CENPF: variants seen among roughly 807,000 people sequenced by gnomAD.
CENPF encodes centromere protein F, also known as AH antigen.
A neutral mutation model predicts 307.3 loss-of-function variants in CENPF; 214 were observed. The ratio of observed to expected loss-of-function variants is 0.70; its 90% CI spans 0.62 to 0.78. CENPF has a LOEUF of 0.78. CENPF is among the 30% of genes least tolerant of loss of function. CENPF has a pLI of 0.00. For synonymous variants in CENPF, 1,259 were observed against 1,270.6 expected (o/e 0.99, Z 0.19); for missense variants, 3,401 against 3,483.9 (o/e 0.98, Z 0.60).
At chr1:214,661,336 A>G (rs1658781606) in intron 19 of CENPF, among the ~76,000 whole-genome samples, 1 of 152,102 alleles carries the variant, frequency 6.6e-6, no homozygotes, top group African/African-American at 2.4e-5. Flanking sequence ...TTAATTCAGC[A>G]TTTTCTGAGT....
intron 10 of CENPF, among the ~76,000 whole-genome samples, chr1:214,634,001 C>G (rs1015115342): frequency 1.3e-5 from 2 of 152,188 alleles, no homozygotes; most frequent in African/African-American, 4.8e-5. Context: ...AGAGTCCAAA[C>G]ACTTTAAAAA....
At chr1:214,629,697 A>G (rs757278268) in intron 8 of CENPF, among the ~76,000 whole-genome samples, 12 of 152,050 alleles carry the variant, frequency 7.9e-5, no homozygotes, top group Non-Finnish European at 1.5e-4. Context: ...GATTACAGGC[A>G]TGCACCACCA....
At position 214,658,940 on chromosome 1, in the gene CENPF, A is replaced by G; in HGVS notation, c.9053A>G (p.Gln3018Arg). 6.2e-7 allele frequency: 1 copy of G among 1,614,146 alleles called. No homozygotes were observed. ...ATRTSPRLAAQKLALSPLSLG... is the reference protein window; with the variant it reads ...ATRTSPRLAARKLALSPLSLG... ...CGGACCAGCCCCCGCCTGGCTGCAC[A>G]GAAGTTAGCGCTATCCCCACTGAGT... The change falls in exon 19 of 20, where the codon CAG becomes CGG. Residue 3018 changes from glutamine (Q) to arginine (R), a missense_variant. Coordinates refer to ENST00000366955, the MANE Select transcript of CENPF (RefSeq NM_016343.4).
Position 214,641,027 on chromosome 1 carries a change from A to G in CENPF, c.2689A>G (p.Asn897Asp). 6.4e-7 allele frequency: 1 copy of G among 1,567,384 alleles called. No homozygotes were observed. The highest frequency in any genetic ancestry group is 1.2e-5 in the South Asian group (1 of 81,838). ...ACAGGAAGACACTTCTGCTCACCAG[A>G]ATGTTGTTGCTGAAACCTTAAGTGC... ...KLQEDTSAHQ[N>D]VVAETLSALE... The change falls in exon 12 of 20, where the codon AAT becomes GAT. Residue 897 changes from asparagine to aspartate, a missense_variant. Physicochemically the swap from Asn to Asp is conservative, Grantham distance 23. Transcript: ENST00000366955.
rs1165839180 is a variant in CENPF at position 214,659,080 on chromosome 1, AGTACCTGGGT to A, written c.9141+54_9141+63del. ...TGTTTGAGATCCAGAAAATTGCAGTAGTACCTGGGTGAGGATTGGACACTGCACCCCCGAT... is the reference window on the plus strand; with the variant it reads ...TGTTTGAGATCCAGAAAATTGCAGTAGAGGATTGGACACTGCACCCCCGAT... On this transcript the variant is annotated intron_variant, in intron 19 of 19. Coordinates refer to ENST00000366955, the MANE Select transcript of CENPF (RefSeq NM_016343.4). This position sits in a 1 kb window ranked among gnomAD's most constrained non-coding sequence, Gnocchi z 4.4. 2 of 1,594,128 alleles carry A rather than the reference AGTACCTGGGT, an allele frequency of 1.3e-6. No homozygotes were observed. Among genetic ancestry groups the A allele is most frequent in the Non-Finnish European group, 1.7e-6 (2 of 1,165,522 alleles).
At position 214,645,245 on chromosome 1, in the gene CENPF, G is replaced by A. The variant is rs1435636111; in HGVS notation, c.5675G>A (p.Ser1892Asn). ...GATAATGTGGCCAAGGTGAATGACA[G>A]CTGGAAGGAGAGATTTCTTGATGTG... ...IGDNVAKVND[S>N]WKERFLDVEN... Residue 1892 changes from serine (S) to asparagine (N), a missense_variant, in exon 13 of 20, where the codon AGC becomes AAC. By Grantham distance (46) the Ser-to-Asn change is conservative. Transcript: ENST00000366955. The A allele has an allele frequency of 6.2e-7, 1 of 1,614,102 alleles. No individual in the cohort carries two copies.
Position 214,613,705 on chromosome 1 carries a change from T to A in CENPF, c.-41-9T>A, listed in dbSNP as rs751727956. 19 of 1,524,346 alleles carry A rather than the reference T, an allele frequency of 1.2e-5. No homozygotes were observed. Among genetic ancestry groups the A allele is most frequent in the Non-Finnish European group, 1.7e-5 (19 of 1,134,006 alleles). 94.4% of individuals were successfully genotyped at this position (1,524,346 alleles called of 1,614,324 possible). ...GTGGTAAGACCAACAGTCTGGTTAT[T>A]CTTTTCAGTTTATTTACAAATGTTG... is the stretch of plus-strand genomic sequence containing the variant. On this transcript the variant is annotated splice_polypyrimidine_tract_variant and intron_variant, in intron 1 of 19. Coordinates refer to ENST00000366955, the MANE Select transcript of CENPF (RefSeq NM_016343.4).
At chr1:214,623,247 CT>C (rs1309788066) in intron 7 of CENPF, among the ~76,000 whole-genome samples, 2 of 152,080 alleles carry the variant, frequency 1.3e-5, no homozygotes, top group Non-Finnish European at 2.9e-5. Flanking sequence ...ATATACAGAC[CT>C]TTTTTTCCTT....
intron 1 of CENPF, 141 bp from the exon 2 acceptor site, chr1:214,613,573 A>G (rs1657255355): frequency 7.9e-6 from 4 of 508,008 alleles, no homozygotes; most frequent in Admixed American, 4.0e-5. Context: ...GAGGATGGAG[A>G]AGATAGGTAT....
At chr1:214,608,623 C>T (rs1246481535) in intron 1 of CENPF, 296 of 1,605,990 alleles carry the variant, frequency 1.8e-4, no homozygotes, top group Middle Eastern at 2.2e-4. Context: ...GAAGTCGGCG[C>T]GCTCCGTCAG....
At position 214,640,258 on chromosome 1, in the gene CENPF, G is replaced by A; in HGVS notation, c.1920G>A (p.Leu640=). ...AGATGGAATCAGAAAAGGAAAACTT[G>A]CAGAGTAAAATTAATCACTTGGAAA... ...LTQMESEKEN[L]QSKINHLETC... Residue 640 remains leucine (L), a synonymous_variant, in exon 12 of 20, where the codon TTG becomes TTA. Transcript: ENST00000366955. 1 of 1,613,486 alleles carries A rather than the reference G, an allele frequency of 6.2e-7. No homozygotes were observed.
At chr1:214,606,915 C>T (rs1657049842) in intron 1 of CENPF, among the ~76,000 whole-genome samples, 1 of 152,272 alleles carries the variant, frequency 6.6e-6, no homozygotes, top group African/African-American at 2.4e-5. Context: ...GGCTCTGATC[C>T]CAGGCAGATG....
intron 15 of CENPF, 108 bp downstream of exon 15, chr1:214,651,994 T>C (rs1471005806): frequency 5.7e-6 from 5 of 876,140 alleles, no homozygotes; most frequent in Non-Finnish European, 8.2e-6. Flanking sequence ...ATTACTATGC[T>C]ATATAATCTT....
intron 10 of CENPF, 130 bp from the exon 11 acceptor site, chr1:214,637,736 A>G (rs554516029): frequency 1.8e-5 from 16 of 869,392 alleles, no homozygotes; most frequent in Admixed American, 3.4e-5. Flanking sequence ...TAGGTACTCA[A>G]ACGGGGAAAT....
intron 10 of CENPF, 57 bp from the exon 11 acceptor site, chr1:214,637,809 G>A (rs930033328): frequency 6.4e-7 from 1 of 1,561,664 alleles, no homozygotes; most frequent in Admixed American, 2.1e-5. Context: ...TAAGGCAGAA[G>A]TCATAACTTA....
chr1:214,625,015 T>C (rs1402492239), intron 7 of CENPF, among the ~76,000 whole-genome samples: 3 of 152,170 alleles, frequency 2.0e-5, no homozygotes, highest in Non-Finnish European at 4.4e-5. Context: ...ATTGACCCTT[T>C]TATCACTATT....
At position 214,642,027 on chromosome 1, in the gene CENPF, A is replaced by G. The variant is rs199690817; in HGVS notation, c.3689A>G (p.Glu1230Gly). 1.1e-4 allele frequency: 185 copies of G among 1,611,452 alleles called. No homozygotes were observed. Among genetic ancestry groups the G allele is most frequent in the Non-Finnish European group, 1.4e-4 (168 of 1,179,398 alleles). ...TTAAAACTTCAGGAAAGTGAGAAGG[A>G]GAAGGAGTGCCTGCAGCATGAATTA... is the stretch of plus-strand genomic sequence containing the variant. Reference protein sequence around the residue: ...KELKLQESEKEKECLQHELQT... With the variant: ...KELKLQESEKGKECLQHELQT... The change falls in exon 12 of 20, where the codon GAG becomes GGG. Residue 1230 changes from glutamate (E) to glycine (G), a missense_variant. Glu to Gly is a moderately conservative substitution (Grantham distance 98). Coordinates refer to ENST00000366955, the MANE Select transcript of CENPF (RefSeq NM_016343.4).
chr1:214,610,034 T>C (rs1657158182), intron 1 of CENPF, among the ~76,000 whole-genome samples: 2 of 151,952 alleles, frequency 1.3e-5, no homozygotes, highest in East Asian at 1.9e-4. Flanking sequence ...TTTTTTTTTT[T>C]TTTGGTAGAT....
chr1:214,613,244 A>G (rs755429519), intron 1 of CENPF: 7 of 247,894 alleles, frequency 2.8e-5, no homozygotes, highest in African/African-American at 4.5e-5. Context: ...TGGAGGCCCA[A>G]TTATCATCCC....
Sources: allele counts gnomAD v4.1 joint callset (sites outside exome capture counted in the v4.1 genomes callset), GRCh38; gene constraint gnomAD v4.1.1; non-coding constraint Gnocchi (gnomAD v3.1); transcripts MANE v1.5; gene names NCBI Gene and HGNC (gene_info 2026-07-23, HGNC 2026-07-21).